The following LRRIQ1 variants were observed in gnomAD, a reference collection of about 807,000 sequenced individuals.
LRRIQ1 encodes leucine-rich repeat- and IQ domain-containing protein 1.
A neutral mutation model predicts 211.9 loss-of-function variants in LRRIQ1; 210 were observed. The ratio of observed to expected loss-of-function variants is 0.99; its 90% CI spans 0.89 to 1.11. The LOEUF is 1.11. LRRIQ1 is among the 50% of genes most tolerant of loss of function. The pLI is 0.00. For missense variants in LRRIQ1, 2,136 were observed against 1,939.5 expected (o/e 1.10, Z -1.90); for synonymous variants, 699 against 650.1 (o/e 1.08, Z -1.14).
At chr12:85,226,863 C>A (rs968116534) in intron 24 of LRRIQ1, among the ~76,000 whole-genome samples, 2 of 151,828 alleles carry the variant, frequency 1.3e-5, no homozygotes, top group African/African-American at 2.4e-5. Flanking sequence ...TGAACTCATC[C>A]TTTTTTATGG....
At chr12:85,207,803 A>G (rs1320177646) in intron 24 of LRRIQ1, among the ~76,000 whole-genome samples, 1 of 151,908 alleles carries the variant, frequency 6.6e-6, no homozygotes, top group East Asian at 1.9e-4. Flanking sequence ...TCTCTATTGT[A>G]TTGCCTTTTC....
chr12:85,043,599 G>A (rs539133372), intron 3 of LRRIQ1, among the ~76,000 whole-genome samples: 3 of 152,172 alleles, frequency 2.0e-5, no homozygotes, highest in Non-Finnish European at 2.9e-5. Context: ...GGAACTACAC[G>A]GGATATGTAT....
At chr12:85,193,772 CA>C (rs1892730598) in intron 24 of LRRIQ1, among the ~76,000 whole-genome samples, 1 of 149,224 alleles carries the variant, frequency 6.7e-6, no homozygotes, top group Non-Finnish European at 1.5e-5. Flanking sequence ...AACTAACGAG[CA>C]AAATAACCAG....
At chr12:85,041,674 G>A (rs1878908335) in intron 3 of LRRIQ1, among the ~76,000 whole-genome samples, 1 of 151,760 alleles carries the variant, frequency 6.6e-6, no homozygotes, top group South Asian at 2.1e-4. Flanking sequence ...AAACTATTTT[G>A]TGGACTTTGG....
intron 24 of LRRIQ1, among the ~76,000 whole-genome samples, chr12:85,200,998 T>C (rs533475120): frequency 4.0e-5 from 6 of 151,836 alleles, no homozygotes; most frequent in Non-Finnish European, 7.4e-5. Flanking sequence ...TTTTCTTTTT[T>C]TTTTGTATTT....
At chr12:85,256,249 TGAC>T (rs1171773650) in intron 1 of LRRIQ1, among the ~76,000 whole-genome samples, 2 of 151,756 alleles carry the variant, frequency 1.3e-5, no homozygotes, top group African/African-American at 4.8e-5. Context: ...TAACATTTTT[TGAC>T]GACAGGATTC....
intron 8 of LRRIQ1, among the ~76,000 whole-genome samples, chr12:85,062,472 T>G (rs1283136262): frequency 6.6e-6 from 1 of 151,920 alleles, no homozygotes; most frequent in African/African-American, 2.4e-5. Context: ...GTTTCTGTGT[T>G]AGTTGGCTTG....
intron 24 of LRRIQ1, among the ~76,000 whole-genome samples, chr12:85,195,959 A>G (rs1389874109): frequency 1.3e-5 from 2 of 151,928 alleles, no homozygotes; most frequent in Non-Finnish European, 2.9e-5. Flanking sequence ...CCTTAAGCTG[A>G]TAAGCAACTT....
chr12:85,171,063 T>C (rs1322792133), intron 24 of LRRIQ1, among the ~76,000 whole-genome samples: 1 of 152,076 alleles, frequency 6.6e-6, no homozygotes, highest in East Asian at 1.9e-4. Context: ...CAAGAGACGA[T>C]GTAAGTAGAG....
intron 17 of LRRIQ1, 138 bp downstream of exon 17, chr12:85,124,657 GTGAGGTGCATTATGTTTTCA>G (rs1469563177): frequency 2.4e-5 from 16 of 674,240 alleles, no homozygotes; most frequent in Non-Finnish European, 3.5e-5. Context: ...TTATGTTTTC[GTGAGGTGCATTATGTTTTCA>G]TGAGGTGCAC....
At chr12:85,088,363 T>A (rs1053438028) in intron 11 of LRRIQ1, among the ~76,000 whole-genome samples, 1 of 152,210 alleles carries the variant, frequency 6.6e-6, no homozygotes, top group Admixed American at 6.5e-5. Context: ...GTGATGTAGT[T>A]TGAAGTCAGG....
At chr12:85,047,770 G>T in intron 6 of LRRIQ1, 1 of 237,988 alleles carries the variant, frequency 4.2e-6, no homozygotes, top group Non-Finnish European at 8.2e-6. Flanking sequence ...TTCTTTATAT[G>T]CTTCTAAACA....
At chr12:85,264,264 A>T (rs1334579542) in exon 2 of LRRIQ1, 9 of 152,036 alleles carry the variant, frequency 5.9e-5, no homozygotes, top group African/African-American at 2.2e-4. Context: ...ATGTAGATTC[A>T]TATGTGGTGT....
chr12:85,147,061 T>C (rs1023993041), intron 19 of LRRIQ1, among the ~76,000 whole-genome samples: 1 of 151,750 alleles, frequency 6.6e-6, no homozygotes, highest in Admixed American at 6.6e-5. Context: ...GTGATAGAGG[T>C]AGGCGCAGAC....
At chr12:85,246,295 G>C (rs540484378), downstream of LRRIQ1, among the ~76,000 whole-genome samples, 2 of 150,764 alleles carry the variant, frequency 1.3e-5, no homozygotes, top group Admixed American at 6.7e-5. Flanking sequence ...TTAACATAAT[G>C]TACTAACTTT....
the LRRIQ1 span, among the ~76,000 whole-genome samples, chr12:85,272,372 A>T: frequency 6.6e-6 from 1 of 152,170 alleles, no homozygotes; most frequent in Non-Finnish European, 1.5e-5. Flanking sequence ...TTATTAAGCA[A>T]TTCCTAATGT....
intron 16 of LRRIQ1, among the ~76,000 whole-genome samples, chr12:85,123,045 A>G (rs2136434965): frequency 6.6e-6 from 1 of 152,150 alleles, no homozygotes; most frequent in East Asian, 1.9e-4. Flanking sequence ...TGAATGCATA[A>G]GTGGTGGTGA....
downstream of LRRIQ1, among the ~76,000 whole-genome samples, chr12:85,267,521 C>G (rs1896449202): frequency 6.6e-6 from 1 of 151,922 alleles, no homozygotes; most frequent in Non-Finnish European, 1.5e-5. Flanking sequence ...ATACTTTAAA[C>G]TTTCATATGG....
At chr12:85,223,547 C>G (rs1592992708) in intron 24 of LRRIQ1, among the ~76,000 whole-genome samples, 1 of 152,010 alleles carries the variant, frequency 6.6e-6, no homozygotes, top group Admixed American at 6.6e-5. Flanking sequence ...TCCAATTTGT[C>G]CCTGAAATCC....
Sources: allele counts gnomAD v4.1 joint callset (sites outside exome capture counted in the v4.1 genomes callset), GRCh38; gene constraint gnomAD v4.1.1; transcripts MANE v1.5; gene names NCBI Gene and HGNC (gene_info 2026-07-23, HGNC 2026-07-21).